The following HYPK variants were observed in gnomAD, a reference collection of about 807,000 sequenced individuals.
HYPK encodes huntingtin-interacting protein K.
HYPK carries 9 observed loss-of-function variants against 13.9 expected under a neutral mutation model. The observed-to-expected ratio is 0.65, with a 90% CI of 0.39 to 1.13. HYPK has a LOEUF of 1.13. Among genes scored for constraint, HYPK ranks in the 50% most tolerant of loss-of-function variants. The pLI, the probability that HYPK is intolerant of heterozygous loss-of-function variation, is 0.01. For missense variants in HYPK, 138 were observed against 157.6 expected (o/e 0.88, Z 0.67); for synonymous variants, 76 against 57.0 (o/e 1.33, Z -1.50).
At chr15:43,801,265 C>A in intron 2 of HYPK, 78 bp downstream of exon 2, 1 of 1,241,364 alleles carries the variant, frequency 8.1e-7, no homozygotes, top group Non-Finnish European at 1.2e-6. Context: ...CATTATTAAG[C>A]CTTTATACCG....
rs1467564113 is a variant in HYPK at position 43,802,172 on chromosome 15, CCA to C, written c.*368_*369del. On this transcript the variant is annotated 3_prime_UTR_variant, in exon 4 of 4. Transcript: ENST00000442995. Reference sequence around the variant, plus strand: ...AAAAGGCCAGCTACCTGCCTAGGAGCCACTATATATATAGATAGATGTAGGTT... The same window carrying C: ...AAAAGGCCAGCTACCTGCCTAGGAGCCTATATATATAGATAGATGTAGGTT... 4.3e-6 allele frequency: 1 copy of C among 231,814 alleles called. No individual in the cohort carries two copies. The highest frequency in any genetic ancestry group is 8.7e-6 in the Non-Finnish European group (1 of 114,874). 14.4% of individuals were successfully genotyped at this position (231,814 alleles called of 1,614,324 possible).
Position 43,801,907 on chromosome 15 carries a change from T to C in HYPK, c.*101T>C. On this transcript the variant is annotated 3_prime_UTR_variant, in exon 4 of 4. Coordinates refer to ENST00000442995, the MANE Select transcript of HYPK (RefSeq NM_016400.4). The stretch of plus-strand genomic sequence containing the variant: ...ATCTTGGGTCAAGTAGAGTGTATAC[T>C]ATATCCTATGTTGTGGAGAATTTAT... 1 of 882,922 alleles carries C rather than the reference T, an allele frequency of 1.1e-6. No homozygotes were observed. Among genetic ancestry groups the C allele is most frequent in the Non-Finnish European group, 1.8e-6 (1 of 546,458 alleles). The allele number at this position is 882,922 out of a possible 1,614,324, so 54.7% of individuals were successfully genotyped here. A position where few individuals can be genotyped will look rare whatever the true frequency, so the allele number is the denominator to read the frequency against.
upstream of HYPK, chr15:43,800,445 G>C (rs1297844468): frequency 1.2e-6 from 1 of 860,348 alleles, no homozygotes. Context: ...ACAAAACACT[G>C]TACAAACCCG....
At position 43,801,753 on chromosome 15, in the gene HYPK, T is replaced by G. The variant is rs146015193; in HGVS notation, c.313T>G (p.Leu105Val). 4 of 1,614,112 alleles carry G rather than the reference T, an allele frequency of 2.5e-6. No homozygotes were observed. The highest frequency in any genetic ancestry group is 3.4e-6 in the Non-Finnish European group (4 of 1,180,054). The change falls in exon 4 of 4, where the codon TTG becomes GTG. Residue 105 changes from leucine (L) to valine (V), a missense_variant. Leu to Val is a conservative substitution (Grantham distance 32). Coordinates refer to ENST00000442995, the MANE Select transcript of HYPK (RefSeq NM_016400.4). Reference protein sequence around the residue: ...EISRAAAERSLREHMGNVVEA... With the variant: ...EISRAAAERSVREHMGNVVEA... ...ATCTCGAGCAGCAGCAGAACGCAGT[T>G]TGCGGGAACACATGGGCAACGTGGT...
chr15:43,801,555 G>A lies in HYPK; in HGVS notation c.256G>A (p.Asp86Asn), dbSNP rs960112233. The A allele has an allele frequency of 6.2e-7, 1 of 1,613,704 alleles. No homozygotes were observed. The highest frequency in any genetic ancestry group is 8.5e-7 in the Non-Finnish European group (1 of 1,179,556). Residue 86 changes from aspartate (D) to asparagine (N), a missense_variant, in exon 3 of 4, where the codon GAT (aspartate) becomes AAT (asparagine). Transcript: ENST00000442995. Reference protein sequence around the residue: ...ELAKVTIKKEDLELIMTEMEI... With the variant: ...ELAKVTIKKENLELIMTEMEI... ...GGCAAAAGTCACTATCAAGAAGGAA[G>A]ATCTGGAGCTAATAGTGAGTGGTAG... is the stretch of plus-strand genomic sequence containing the variant.
upstream of HYPK, chr15:43,800,550 C>T: frequency 6.3e-7 from 1 of 1,599,222 alleles, no homozygotes; most frequent in Non-Finnish European, 8.5e-7. Context: ...CGCCTCCTCC[C>T]CGGGCGGAAG....
rs1043077927 is a variant in HYPK at position 43,801,240 on chromosome 15, G to A, written c.218+53G>A. ...ACAGTTCTTCCCTCCCCGGTCCCCAGACAAAAATAAAAACCATTATTAAGC... is the reference window on the plus strand; with the variant it reads ...ACAGTTCTTCCCTCCCCGGTCCCCAAACAAAAATAAAAACCATTATTAAGC... On this transcript the variant is annotated intron_variant, in intron 2 of 3. Transcript: ENST00000442995. 6.5e-5 allele frequency: 95 copies of A among 1,466,790 alleles called. 1 individual carries two copies. The highest frequency in any genetic ancestry group is 1.8e-4 in the East Asian group (8 of 44,142). The allele number at this position is 1,466,790 out of a possible 1,614,324, so 90.9% of individuals were successfully genotyped here. A position where few individuals can be genotyped will look rare whatever the true frequency, so the allele number is the denominator to read the frequency against.
chr15:43,803,861 G>C lies in HYPK; in HGVS notation c.*2055G>C, dbSNP rs1004404847. On this transcript the variant is annotated 3_prime_UTR_variant, in exon 4 of 4. Coordinates refer to ENST00000442995, the MANE Select transcript of HYPK (RefSeq NM_016400.4). The stretch of plus-strand genomic sequence containing the variant: ...AACTAGTTTCCTCAACTATAAAACT[G>C]TGACGGCCCCAGCTAGGCACAGTGG... Among the ~76,000 whole-genome samples, 1 of 151,360 alleles carries C rather than the reference G, an allele frequency of 6.6e-6. No individual in the cohort carries two copies. Among genetic ancestry groups the C allele is most frequent in the Non-Finnish European group, 1.5e-5 (1 of 67,922 alleles).
Position 43,800,678 on chromosome 15 carries a change from A to G in HYPK, c.56A>G (p.Glu19Gly). 6.2e-7 allele frequency: 1 copy of G among 1,614,120 alleles called. No individual in the cohort carries two copies. Among genetic ancestry groups the G allele is most frequent in the Non-Finnish European group, 8.5e-7 (1 of 1,180,018 alleles). The change falls in exon 1 of 4, where the codon GAG becomes GGG. Residue 19 changes from glutamate (E) to glycine (G), a missense_variant. Glu to Gly is a moderately conservative substitution (Grantham distance 98). Coordinates refer to ENST00000442995, the MANE Select transcript of HYPK (RefSeq NM_016400.4). ...LELETETSGP[E>G]RPPEKPRKHD... ...TTGGAGACTGAGACCAGTGGACCAGAGCGGCCTCCGGAGAAGCCACGGAAA... is the reference window on the plus strand; with the variant it reads ...TTGGAGACTGAGACCAGTGGACCAGGGCGGCCTCCGGAGAAGCCACGGAAA...
intron 2 of HYPK, 94 bp downstream of exon 2, chr15:43,801,281 C>A: frequency 8.7e-7 from 1 of 1,143,792 alleles, no homozygotes; most frequent in Non-Finnish European, 1.3e-6. Flanking sequence ...TACCGTTCTT[C>A]AAATTTATCA....
rs768328358 is a variant in HYPK at position 43,801,839 on chromosome 15, A to T, written c.*33A>T. 2 of 1,589,732 alleles carry T rather than the reference A, an allele frequency of 1.3e-6. No individual in the cohort carries two copies. Among genetic ancestry groups the T allele is most frequent in the Non-Finnish European group, 1.7e-6 (2 of 1,159,948 alleles). On this transcript the variant is annotated 3_prime_UTR_variant, in exon 4 of 4. Coordinates refer to ENST00000442995, the MANE Select transcript of HYPK (RefSeq NM_016400.4). ...TTTCTCAAATATACCTACTGGATTA[A>T]TTTATGGCAATAAAATTTTTTTTTG...
chr15:43,801,436 G>C, intron 2 of HYPK, 82 bp from the exon 3 acceptor site: 1 of 1,159,802 alleles, frequency 8.6e-7, no homozygotes, highest in South Asian at 1.3e-5. Context: ...TTTATTTACA[G>C]GGCACTTCTG....
In HYPK at chr15:43,802,388, AC is replaced by A. The variant is rs530692739; in HGVS notation, c.*586del. 2 of 152,176 alleles carry A rather than the reference AC, an allele frequency of 1.3e-5. No individual in the cohort carries two copies. The highest frequency in any genetic ancestry group is 6.6e-5 in the Admixed American group (1 of 15,264). The allele number at this position is 152,176 out of a possible 1,614,324, so 9.4% of individuals were successfully genotyped here. A position where few individuals can be genotyped will look rare whatever the true frequency, so the allele number is the denominator to read the frequency against. On this transcript the variant is annotated 3_prime_UTR_variant, in exon 4 of 4. Coordinates refer to ENST00000442995, the MANE Select transcript of HYPK (RefSeq NM_016400.4). ...AAGACCAGCCTGGCCAACATGTGAA[AC>A]CCCGTCTCCACTGAAAATAGAAAAA...
At chr15:43,801,350 C>A in intron 2 of HYPK, 163 bp downstream of exon 2, 1 of 829,648 alleles carries the variant, frequency 1.2e-6, no homozygotes, top group Non-Finnish European at 1.9e-6. Flanking sequence ...GGCCTCCTGG[C>A]AACACCTGCT....
At chr15:43,800,884 T>A (rs2141699015) in intron 1 of HYPK, 100 bp downstream of exon 1, 1 of 1,218,184 alleles carries the variant, frequency 8.2e-7, no homozygotes, top group Non-Finnish European at 1.1e-6. Context: ...TCTGATCCCG[T>A]TGGCAGGAGG....
intron 1 of HYPK, 104 bp downstream of exon 1, chr15:43,800,888 C>T (rs1303911061): frequency 3.6e-5 from 42 of 1,153,028 alleles, no homozygotes; most frequent in South Asian, 7.7e-5. Flanking sequence ...ATCCCGTTGG[C>T]AGGAGGAGGC....
chr15:43,800,784 G>A lies in HYPK; in HGVS notation c.162G>A (p.Thr54=). 1.2e-6 allele frequency: 2 copies of A among 1,606,838 alleles called. No homozygotes were observed. Among genetic ancestry groups the A allele is most frequent in the Non-Finnish European group, 1.7e-6 (2 of 1,175,706 alleles). Residue 54 remains threonine, a splice_region_variant and synonymous_variant, in exon 1 of 4, where the codon ACG becomes ACA. Coordinates refer to ENST00000442995, the MANE Select transcript of HYPK (RefSeq NM_016400.4). ...EKEIQSSNLE[T]AMSVIGDRRS... ...AGATCCAGAGTTCCAATCTGGAGAC[G>A]GTAAGGTTGGCCAAGAGCATGTCGG...
At chr15:43,800,940 C>T (rs1057159272) in intron 1 of HYPK, among the ~76,000 whole-genome samples, 156 bp downstream of exon 1, 2 of 152,174 alleles carry the variant, frequency 1.3e-5, no homozygotes, top group African/African-American at 2.4e-5. Flanking sequence ...CCGGAGCGCG[C>T]CGCTTGCCTA....
At position 43,801,901 on chromosome 15, in the gene HYPK, G is replaced by A. The variant is rs944967452; in HGVS notation, c.*95G>A. 39 of 932,084 alleles carry A rather than the reference G, an allele frequency of 4.2e-5. No homozygotes were observed. The highest frequency in any genetic ancestry group is 6.2e-5 in the Non-Finnish European group (36 of 581,824). 57.7% of individuals were successfully genotyped at this position (932,084 alleles called of 1,614,324 possible). On this transcript the variant is annotated 3_prime_UTR_variant, in exon 4 of 4. Coordinates refer to ENST00000442995, the MANE Select transcript of HYPK (RefSeq NM_016400.4). ...TTTATCATCTTGGGTCAAGTAGAGT[G>A]TATACTATATCCTATGTTGTGGAGA...
Sources: allele counts gnomAD v4.1 joint callset (sites outside exome capture counted in the v4.1 genomes callset), GRCh38; gene constraint gnomAD v4.1.1; transcripts MANE v1.5; gene names NCBI Gene and HGNC (gene_info 2026-07-23, HGNC 2026-07-21).